PAPPA2: variants seen among roughly 807,000 people sequenced by gnomAD.
PAPPA2 encodes the protein pappalysin-2.
In PAPPA2, 86 loss-of-function variants were observed where a neutral mutation model predicts 176.4. The ratio of observed to expected loss-of-function variants is 0.49; its 90% CI spans 0.41 to 0.58. PAPPA2 has a LOEUF of 0.58. Among genes scored for constraint, PAPPA2 ranks in the 20% least tolerant of loss-of-function variants. PAPPA2 has a pLI of 0.00. For synonymous variants in PAPPA2, 809 were observed against 852.2 expected, an observed-to-expected ratio of 0.95 and a Z score of 0.88; for missense variants, 2,073 against 2,256.9, an observed-to-expected ratio of 0.92 and a Z score of 1.65.
chr1:176,463,500 G>C (rs1558384573), intron 1 of PAPPA2, 82 bp downstream of exon 1: 1 of 152,342 alleles, frequency 6.6e-6, no homozygotes, highest in Non-Finnish European at 1.5e-5. Context: ...AACTTGGCTT[G>C]TGCAGGGGGG....
At chr1:176,614,793 T>C (rs959455867) in intron 3 of PAPPA2, among the ~76,000 whole-genome samples, 1 of 152,188 alleles carries the variant, frequency 6.6e-6, no homozygotes, top group Non-Finnish European at 1.5e-5. Context: ...AGTATAAATA[T>C]ATGGTTGAAC....
At chr1:176,525,994 G>T (rs1486137862) in intron 1 of PAPPA2, among the ~76,000 whole-genome samples, 1 of 152,148 alleles carries the variant, frequency 6.6e-6, no homozygotes, top group Admixed American at 6.5e-5. Flanking sequence ...GCTTATGGAG[G>T]TTATAAAAGC....
chr1:176,498,911 T>G (rs1020466082), intron 1 of PAPPA2, among the ~76,000 whole-genome samples: 1 of 152,184 alleles, frequency 6.6e-6, no homozygotes, highest in African/African-American at 2.4e-5. Flanking sequence ...CACATTTTGG[T>G]TATTTCAGCC....
chr1:176,601,849 C>T (rs1654341789), intron 3 of PAPPA2, among the ~76,000 whole-genome samples: 1 of 152,194 alleles, frequency 6.6e-6, no homozygotes, highest in Non-Finnish European at 1.5e-5. Flanking sequence ...TGTCACATTT[C>T]TCCCTAAAAT....
At chr1:176,667,104 G>A (rs772282692) in intron 3 of PAPPA2, among the ~76,000 whole-genome samples, 8 of 152,066 alleles carry the variant, frequency 5.3e-5, no homozygotes, top group Non-Finnish European at 1.2e-4. Context: ...AATTAGCTGG[G>A]CATGGTGGCA....
At chr1:176,518,512 T>C (rs1649043873) in intron 1 of PAPPA2, among the ~76,000 whole-genome samples, 1 of 151,914 alleles carries the variant, frequency 6.6e-6, no homozygotes, top group South Asian at 2.1e-4. Flanking sequence ...TTCAGGCCTT[T>C]AAGTTTGACT....
intron 14 of PAPPA2, among the ~76,000 whole-genome samples, 158 bp downstream of exon 14, chr1:176,740,354 T>C (rs914119636): frequency 6.6e-6 from 1 of 152,182 alleles, no homozygotes; most frequent in African/African-American, 2.4e-5. Context: ...CAAAGAATAA[T>C]TTGTGGAAGG....
In PAPPA2 at chr1:176,543,497, G is replaced by A. The variant is rs962037522; in HGVS notation, c.-916-11910G>A. ...TGTTTGGTCACTTTCTGGAGCCTCA[G>A]ACTCCCCTTCTAACTTTGTGGTTGA... On this transcript the variant is annotated intron_variant, in intron 1 of 22. Coordinates refer to ENST00000367662, the MANE Select transcript of PAPPA2 (RefSeq NM_020318.3). Among the ~76,000 whole-genome samples the A allele has an allele frequency of 5.9e-5, 9 of 152,042 alleles. 1 individual carries two copies. The South Asian group carries it at 1.0e-3, about 18-fold the overall frequency.
At chr1:176,543,628 C>T (rs995540970) in intron 1 of PAPPA2, among the ~76,000 whole-genome samples, 1 of 152,150 alleles carries the variant, frequency 6.6e-6, no homozygotes, top group Non-Finnish European at 1.5e-5. Flanking sequence ...AACACCCCCA[C>T]CTTCCTCTCC....
chr1:176,671,985 A>G (rs1249435353), intron 4 of PAPPA2, among the ~76,000 whole-genome samples: 3 of 151,446 alleles, frequency 2.0e-5, no homozygotes, highest in African/African-American at 7.3e-5. Context: ...TGGGTGCAGC[A>G]CACCAGCATG....
chr1:176,788,943 T>G (rs2102935266), intron 17 of PAPPA2, among the ~76,000 whole-genome samples: 1 of 152,302 alleles, frequency 6.6e-6, no homozygotes, highest in East Asian at 1.9e-4. Context: ...AGTAGCAACT[T>G]CATCAATTAT....
At chr1:176,782,294 G>A (rs1664753248) in intron 17 of PAPPA2, among the ~76,000 whole-genome samples, 1 of 152,142 alleles carries the variant, frequency 6.6e-6, no homozygotes, top group Admixed American at 6.6e-5. Flanking sequence ...CAGGCATTGT[G>A]CTGCATACTG....
intron 2 of PAPPA2, among the ~76,000 whole-genome samples, chr1:176,593,747 G>T (rs1191205664): frequency 6.6e-6 from 1 of 152,196 alleles, no homozygotes; most frequent in Non-Finnish European, 1.5e-5. Context: ...CCTGAGCAAG[G>T]CAGGTAGTGT....
At chr1:176,482,816 G>A (rs1652465482) in intron 1 of PAPPA2, among the ~76,000 whole-genome samples, 1 of 152,126 alleles carries the variant, frequency 6.6e-6, no homozygotes, top group African/African-American at 2.4e-5. Flanking sequence ...CTTGGGTTAT[G>A]TGCTCATCAT....
At chr1:176,639,289 G>A (rs970486576) in intron 3 of PAPPA2, among the ~76,000 whole-genome samples, 8 of 152,018 alleles carry the variant, frequency 5.3e-5, no homozygotes, top group African/African-American at 1.9e-4. Flanking sequence ...TCTGCCTAGG[G>A]AAGCTCTTAG....
At chr1:176,525,162 T>C (rs1375025999) in intron 1 of PAPPA2, among the ~76,000 whole-genome samples, 2 of 152,248 alleles carry the variant, frequency 1.3e-5, no homozygotes, top group Non-Finnish European at 2.9e-5. Context: ...CTTATATTTA[T>C]ATTCCTAGAC....
intron 12 of PAPPA2, 32 bp from the exon 13 acceptor site, chr1:176,739,594 A>G: frequency 6.3e-7 from 1 of 1,594,486 alleles, no homozygotes; most frequent in Middle Eastern, 1.7e-4. Context: ...CAATGGAAAT[A>G]ATGACTTATA....
At chr1:176,691,948 C>G (rs1287274059) in intron 5 of PAPPA2, among the ~76,000 whole-genome samples, 178 bp from the exon 6 acceptor site, 1 of 152,212 alleles carries the variant, frequency 6.6e-6, no homozygotes, top group Non-Finnish European at 1.5e-5. Flanking sequence ...TTCTCTTACC[C>G]TTTCCAGCTT....
intron 3 of PAPPA2, among the ~76,000 whole-genome samples, chr1:176,648,868 C>T (rs1406244898): frequency 4.0e-5 from 6 of 151,360 alleles, no homozygotes; most frequent in Admixed American, 1.3e-4. Context: ...AATCTATGTT[C>T]GTTAGGGATA....
Sources: gnomAD v4.1 joint callset for allele counts (sites outside exome capture counted in the v4.1 genomes callset) on GRCh38, gnomAD v4.1.1 for gene constraint, MANE v1.5 for transcripts, NCBI Gene and HGNC (gene_info 2026-07-23, HGNC 2026-07-21) for gene names.